HHIP: variants seen among roughly 807,000 people sequenced by gnomAD.
The protein encoded by HHIP is hedgehog interacting protein.
In HHIP, 12 loss-of-function variants were observed where a neutral mutation model predicts 74.0. That is an observed-to-expected ratio of 0.16 (90% CI 0.10 to 0.26). The LOEUF (loss-of-function observed/expected upper bound fraction) is 0.26. Among genes scored for constraint, HHIP ranks in the 10% least tolerant of loss-of-function variants. The pLI, the probability that HHIP is intolerant of heterozygous loss-of-function variation, is 1.00. For synonymous variants in HHIP, 309 were observed against 311.6 expected (o/e 0.99, Z 0.09); for missense variants, 788 against 845.0 (o/e 0.93, Z 0.84).
intron 12 of HHIP, among the ~76,000 whole-genome samples, chr4:144,735,541 T>A (rs1731091505): frequency 6.6e-6 from 1 of 152,220 alleles, no homozygotes; most frequent in Non-Finnish European, 1.5e-5. Context: ...GCTTAAGTTC[T>A]ACTTGGTGTG....
chr4:144,734,128 A>G (rs1180260895), intron 11 of HHIP, among the ~76,000 whole-genome samples: 5 of 151,790 alleles, frequency 3.3e-5, no homozygotes. Context: ...CATGGAGTTT[A>G]AACTTCAACT....
At chr4:144,710,262 A>G (rs2126658448) in intron 7 of HHIP, among the ~76,000 whole-genome samples, 1 of 152,290 alleles carries the variant, frequency 6.6e-6, no homozygotes. Flanking sequence ...ATAGAGGAAA[A>G]TGTTCTCTCC....
At chr4:144,708,395 C>A (rs1730206878) in intron 7 of HHIP, 84 bp downstream of exon 7, 1 of 1,412,456 alleles carries the variant, frequency 7.1e-7, no homozygotes, top group Non-Finnish European at 9.9e-7. Context: ...AGAGCATATA[C>A]CATCACAGAG....
In HHIP at chr4:144,718,112, A is replaced by T. The variant is rs148973530; in HGVS notation, c.1679-763A>T. On this transcript the variant is annotated intron_variant, in intron 10 of 12. Coordinates refer to ENST00000296575, the MANE Select transcript of HHIP (RefSeq NM_022475.3). The stretch of plus-strand genomic sequence containing the variant: ...AGGAGGAAAATCAAAATAAATTTTT[A>T]AAAAATACGGTACATAAATTGGTAA... Among the ~76,000 whole-genome samples the T allele has an allele frequency of 9.8e-4, 150 of 152,342 alleles. 1 individual carries two copies. Among genetic ancestry groups the T allele is most frequent in the African/African-American group, 3.3e-3 (138 of 41,584 alleles).
At chr4:144,670,455 CAA>C (rs70956805) in intron 4 of HHIP, among the ~76,000 whole-genome samples, 1,180 of 116,702 alleles carry the variant, frequency 0.01, 17 homozygotes, top group African/African-American at 0.033. Flanking sequence ...AAGAGACTGT[CAA>C]AAAAAAAAAA....
intron 4 of HHIP, among the ~76,000 whole-genome samples, chr4:144,687,725 T>G (rs1389261189): frequency 6.6e-6 from 1 of 151,490 alleles, no homozygotes; most frequent in Non-Finnish European, 1.5e-5. Flanking sequence ...CTTTAGATGT[T>G]TCAGGTGCCT....
intron 4 of HHIP, among the ~76,000 whole-genome samples, chr4:144,701,224 G>C (rs1729974265): frequency 6.6e-6 from 1 of 152,006 alleles, no homozygotes; most frequent in African/African-American, 2.4e-5. Flanking sequence ...CTGTGTGCTT[G>C]TGTCATGTAC....
At chr4:144,660,777 T>C (rs1049127320) in intron 4 of HHIP, among the ~76,000 whole-genome samples, 12 of 152,172 alleles carry the variant, frequency 7.9e-5, no homozygotes, top group Admixed American at 7.2e-4. Flanking sequence ...CTCCAGTCTT[T>C]ATTTTTTACC....
rs199682054 is a variant in HHIP at position 144,711,913 on chromosome 4, C to T, written c.1302-37C>T. 15 of 1,592,690 alleles carry T rather than the reference C, an allele frequency of 9.4e-6. No individual in the cohort carries two copies. In the African/African-American group the frequency reaches 1.3e-4, roughly 14 times the overall value. ...TCCAGTCTGAGCTTGGAAAAGATCA[C>T]GGTAGGAATTAATGTGTATCCCCTC... On this transcript the variant is annotated intron_variant, in intron 7 of 12. Transcript: ENST00000296575.
In HHIP at chr4:144,727,281, C is replaced by CTGG. The variant is rs1560722291; in HGVS notation, c.1761-7460_1761-7459insTGG. On this transcript the variant is annotated intron_variant, in intron 11 of 12. Transcript: ENST00000296575. ...AGCTCTCTGGTGACACTTCTTATAACGGCAATAATCGCATCATGGGGGCTC... is the reference window on the plus strand; with the variant it reads ...AGCTCTCTGGTGACACTTCTTATAACTGGGGCAATAATCGCATCATGGGGGCTC... Among the ~76,000 whole-genome samples the CTGG allele has an allele frequency of 2.0e-3, 306 of 152,262 alleles. 3 individuals carry two copies. Among genetic ancestry groups the CTGG allele is most frequent in the African/African-American group, 7.1e-3 (295 of 41,564 alleles).
In HHIP at chr4:144,652,635, G is replaced by C. The variant is rs1391338309; in HGVS notation, c.310G>C (p.Gly104Arg). The change falls in exon 2 of 13, where the codon GGG becomes CGG. Residue 104 changes from glycine (G) to arginine (R), a missense_variant. Gly to Arg is a moderately radical substitution (Grantham distance 125, BLOSUM62 -2). Transcript: ENST00000296575. ...IFSVTNNTEC[G>R]KLLEEIKCAL... ...TTCTGTTACCAACAACACAGAATGT[G>C]GGAAGTTACTGGAGGAAATCAAATG... 1 of 1,609,604 alleles carries C rather than the reference G, an allele frequency of 6.2e-7. No homozygotes were observed. Among genetic ancestry groups the C allele is most frequent in the Non-Finnish European group, 8.5e-7 (1 of 1,177,886 alleles).
intron 1 of HHIP, among the ~76,000 whole-genome samples, chr4:144,652,142 A>G (rs1728443209): frequency 6.6e-6 from 1 of 152,096 alleles, no homozygotes; most frequent in South Asian, 2.1e-4. Flanking sequence ...TATTTTTGAC[A>G]TTATCATATT....
intron 1 of HHIP, among the ~76,000 whole-genome samples, chr4:144,647,744 T>C (rs1015791113): frequency 6.6e-6 from 1 of 152,204 alleles, no homozygotes; most frequent in African/African-American, 2.4e-5. Flanking sequence ...GTTTTTGAGT[T>C]TGCAATATCG....
intron 11 of HHIP, among the ~76,000 whole-genome samples, chr4:144,726,984 C>T (rs1050444271): frequency 2.6e-5 from 4 of 152,196 alleles, no homozygotes; most frequent in African/African-American, 9.6e-5. Flanking sequence ...TTCCAAGGTA[C>T]CAGCTTTTGT....
At chr4:144,670,784 A>G (rs1254517213) in intron 4 of HHIP, among the ~76,000 whole-genome samples, 1 of 150,544 alleles carries the variant, frequency 6.6e-6, no homozygotes, top group Non-Finnish European at 1.5e-5. Context: ...AAAAAAAAAA[A>G]AAAAGAAAGA....
Position 144,737,946 on chromosome 4 carries a change from T to C in HHIP, c.2092T>C (p.Tyr698His). 6.2e-7 allele frequency: 1 copy of C among 1,603,332 alleles called. No individual in the cohort carries two copies. The change falls in exon 13 of 13, where the codon TAC becomes CAC. Residue 698 changes from tyrosine to histidine, a missense_variant. By Grantham distance (83) the Tyr-to-His change is moderately conservative. Transcript: ENST00000296575. ...MTSYLLDLTSYIV is the reference protein window; with the variant it reads ...MTSYLLDLTSHIV Reference sequence around the variant, plus strand: ...ATCTTACTTGCTGGATCTAACAAGTTACATTGTATAGTTTCTGGGACTGTT... The same window carrying C: ...ATCTTACTTGCTGGATCTAACAAGTCACATTGTATAGTTTCTGGGACTGTT...
At chr4:144,715,558 T>C in intron 10 of HHIP, 128 bp downstream of exon 10, 3 of 838,478 alleles carry the variant, frequency 3.6e-6, no homozygotes, top group Non-Finnish European at 5.4e-6. Context: ...ACAGCAAAGA[T>C]GACCTACTCC....
At chr4:144,719,067 CT>C in intron 11 of HHIP, 111 bp downstream of exon 11, 1 of 724,216 alleles carries the variant, frequency 1.4e-6, no homozygotes, top group Non-Finnish European at 2.4e-6. Flanking sequence ...AAGATGTACA[CT>C]TTTACCATTT....
At chr4:144,663,188 C>G (rs1212572075) in intron 4 of HHIP, among the ~76,000 whole-genome samples, 2 of 152,084 alleles carry the variant, frequency 1.3e-5, no homozygotes, top group Non-Finnish European at 2.9e-5. Flanking sequence ...ACTCAGAAGG[C>G]TGAGGCAAGA....
Sources: allele counts gnomAD v4.1 joint callset (sites outside exome capture counted in the v4.1 genomes callset), GRCh38; gene constraint gnomAD v4.1.1; transcripts MANE v1.5; gene names NCBI Gene and HGNC (gene_info 2026-07-23, HGNC 2026-07-21).